The following DDX60L variants were observed in gnomAD, a reference collection of about 807,000 sequenced individuals.
DDX60L encodes probable ATP-dependent RNA helicase DDX60-like.
In DDX60L, 191 loss-of-function variants were observed where a neutral mutation model predicts 211.6. The observed-to-expected ratio is 0.90, with a 90% CI of 0.80 to 1.02. The LOEUF (loss-of-function observed/expected upper bound fraction) is 1.02. Ranked by LOEUF, DDX60L falls within the 50% of genes least tolerant of loss-of-function variation. DDX60L has a pLI of 0.00. For synonymous variants in DDX60L, 706 were observed against 694.1 expected (o/e 1.02, Z -0.27); for missense variants, 2,007 against 1,984.1 (o/e 1.01, Z -0.22).
Position 168,381,531 on chromosome 4 carries a change from T to A in DDX60L, c.4117-1701A>T, listed in dbSNP as rs72989180. On this transcript the variant is annotated intron_variant, in intron 30 of 37. Transcript: ENST00000682922. Reference sequence around the variant, plus strand: ...ATAAATATACTTCTTCAAAAACAACTTGAATGTGATAAATTGAAAAGGTTC... The same window carrying A: ...ATAAATATACTTCTTCAAAAACAACATGAATGTGATAAATTGAAAAGGTTC... Among the ~76,000 whole-genome samples, 1,350 of 151,960 alleles carry A rather than the reference T, an allele frequency of 8.9e-3. 19 individuals carry two copies. The highest frequency in any genetic ancestry group is 0.031 in the African/African-American group (1,265 of 41,448).
chr4:168,446,363 G>T (rs922813734), intron 9 of DDX60L, among the ~76,000 whole-genome samples: 6 of 152,126 alleles, frequency 3.9e-5, no homozygotes, highest in Non-Finnish European at 8.8e-5. Context: ...ACAAACCACT[G>T]CTCAAGGAAA....
At chr4:168,394,787 A>G (rs1745484174) in intron 27 of DDX60L, among the ~76,000 whole-genome samples, 170 bp from the exon 28 acceptor site, 1 of 152,166 alleles carries the variant, frequency 6.6e-6, no homozygotes, top group South Asian at 2.1e-4. Context: ...CAATCTGCCC[A>G]TTTTTGTGAA....
intron 9 of DDX60L, 132 bp from the exon 10 acceptor site, chr4:168,441,624 A>G (rs1409262868): frequency 3.0e-6 from 2 of 664,230 alleles, no homozygotes; most frequent in Non-Finnish European, 4.9e-6. Flanking sequence ...TGAGTTACAC[A>G]ATACACTTGC....
chr4:168,427,343 C>G, intron 13 of DDX60L, 21 bp from the exon 14 acceptor site: 1 of 1,595,684 alleles, frequency 6.3e-7, no homozygotes, highest in Non-Finnish European at 8.5e-7. Flanking sequence ...ATAAAAGGAA[C>G]ATATGAAACA....
At chr4:168,368,918 C>G (rs190764947) in intron 36 of DDX60L, among the ~76,000 whole-genome samples, 29 of 152,324 alleles carry the variant, frequency 1.9e-4, no homozygotes, top group African/African-American at 6.3e-4. Flanking sequence ...CCTCATACCC[C>G]CACTGTATCT....
intron 36 of DDX60L, among the ~76,000 whole-genome samples, chr4:168,371,358 A>G (rs549297456): frequency 3.4e-5 from 5 of 148,636 alleles, no homozygotes; most frequent in African/African-American, 1.2e-4. Flanking sequence ...CCCAAATAAT[A>G]CTGGAGTTTC....
intron 1 of DDX60L, among the ~76,000 whole-genome samples, chr4:168,477,818 T>C (rs887194125): frequency 1.3e-5 from 2 of 152,128 alleles, no homozygotes; most frequent in South Asian, 2.1e-4. Flanking sequence ...TTGGAAAAGG[T>C]TGATGGTCAA....
At chr4:168,391,747 A>G (rs1201960161) in intron 28 of DDX60L, 103 bp from the exon 29 acceptor site, 3 of 567,234 alleles carry the variant, frequency 5.3e-6, no homozygotes, top group African/African-American at 1.9e-5. Flanking sequence ...TAGAGCTTTA[A>G]CAAACCACAT....
chr4:168,466,366 T>C (rs1452352935), intron 4 of DDX60L, among the ~76,000 whole-genome samples: 1 of 151,980 alleles, frequency 6.6e-6, no homozygotes, highest in Non-Finnish European at 1.5e-5. Flanking sequence ...CAGAAGAAAA[T>C]GGAAATTATC....
intron 22 of DDX60L, among the ~76,000 whole-genome samples, chr4:168,413,496 T>C (rs1394918562): frequency 6.6e-6 from 1 of 151,990 alleles, no homozygotes; most frequent in Non-Finnish European, 1.5e-5. Context: ...ATGTGATATA[T>C]AATATCAATA....
Position 168,391,542 on chromosome 4 carries a change from G to A in DDX60L, c.3913C>T (p.Gln1305Ter), listed in dbSNP as rs1744815788. Reference protein sequence around the residue: ...SVYLDALNYRQMSGRAGRRGQ... With the variant: ...SVYLDALNYR ...GAGTTAAAGAGTCAGAGAGTTACCTGTCTGTAATTTAAAGCATCCAGATAG... is the reference window on the plus strand; with the variant it reads ...GAGTTAAAGAGTCAGAGAGTTACCTATCTGTAATTTAAAGCATCCAGATAG... Residue 1305 changes from glutamine (Q) to a stop codon, truncating the protein, a stop_gained and splice_region_variant, in exon 29 of 38, where the codon CAG (glutamine) becomes TAG (stop). Coordinates refer to ENST00000682922, the MANE Select transcript of DDX60L (RefSeq NM_001012967.3). LOFTEE classifies it high-confidence loss of function. 1.3e-6 allele frequency: 2 copies of A among 1,582,442 alleles called. No individual in the cohort carries two copies. The highest frequency in any genetic ancestry group is 1.7e-6 in the Non-Finnish European group (2 of 1,156,466).
Position 168,379,398 on chromosome 4 carries a change from C to T in DDX60L, c.4328G>A (p.Gly1443Asp). 6.3e-7 allele frequency: 1 copy of T among 1,599,820 alleles called. No homozygotes were observed. Among genetic ancestry groups the T allele is most frequent in the Non-Finnish European group, 8.5e-7 (1 of 1,175,638 alleles). ...TGGCTTACAGAGATTATGGAAAAGG[C>T]CTCTCTTGAGAAAATTTACAAAAAC... is the stretch of plus-strand genomic sequence containing the variant. The part of the protein sequence containing the change: ...NLVFVNFLKR[G>D]LFHNLCKPAW... Residue 1443 changes from glycine (G) to aspartate (D), a missense_variant, in exon 32 of 38, where the codon GGC becomes GAC. Coordinates refer to ENST00000682922, the MANE Select transcript of DDX60L (RefSeq NM_001012967.3).
Position 168,378,460 on chromosome 4 carries a change from GA to G in DDX60L, c.4378del (p.Ser1460ProfsTer4). The G allele has an allele frequency of 6.4e-7, 1 of 1,571,898 alleles. No individual in the cohort carries two copies. Among genetic ancestry groups the G allele is most frequent in the Admixed American group, 1.8e-5 (1 of 54,718 alleles). On this transcript the variant is annotated frameshift_variant, in exon 33 of 38. Coordinates refer to ENST00000682922, the MANE Select transcript of DDX60L (RefSeq NM_001012967.3). LOFTEE classifies it high-confidence loss of function. ...CACGAGCTTTTCCATCACATCTTGG[GA>G]AAATTGTTGTGAGCCTATTGAAATA... ...KPAWKGSQQF[S>X]QDVMEKLVLV...
Position 168,454,708 on chromosome 4 carries a change from C to T in DDX60L, c.837+1331G>A, listed in dbSNP as rs185731608. ...AGGAAGAAGCATAAAATGCTCACTG[C>T]TCTCTCCATTCTCCATTCTCCATGG... On this transcript the variant is annotated intron_variant, in intron 7 of 37. Transcript: ENST00000682922. 1.7e-3 allele frequency among the ~76,000 whole-genome samples: 252 copies of T among 148,784 alleles called. 2 individuals carry two copies. The highest frequency in any genetic ancestry group is 2.8e-3 in the Non-Finnish European group (188 of 67,644).
At chr4:168,396,369 T>C (rs548707124) in intron 26 of DDX60L, among the ~76,000 whole-genome samples, 58 of 152,226 alleles carry the variant, frequency 3.8e-4, no homozygotes, top group Middle Eastern at 6.8e-3. Context: ...TCCTTCACAC[T>C]GTAACAGATA....
chr4:168,400,688 A>T (rs1560991856), intron 26 of DDX60L, 138 bp downstream of exon 26: 2 of 701,418 alleles, frequency 2.9e-6, no homozygotes, highest in Non-Finnish European at 4.6e-6. Flanking sequence ...CTCCCACCCA[A>T]ATTTACTCTA....
At chr4:168,394,162 C>T (rs577003803) in intron 28 of DDX60L, among the ~76,000 whole-genome samples, 3 of 151,364 alleles carry the variant, frequency 2.0e-5, no homozygotes, top group South Asian at 2.1e-4. Flanking sequence ...CGCCACTGCA[C>T]TCCAGCCTGG....
At chr4:168,390,384 T>C (rs961865599) in intron 29 of DDX60L, 8 of 1,202,446 alleles carry the variant, frequency 6.7e-6, no homozygotes, top group Non-Finnish European at 6.2e-6. Flanking sequence ...TAAAAGGTGA[T>C]ATGGTCTATA....
At chr4:168,403,309 T>C (rs1324241482) in intron 25 of DDX60L, among the ~76,000 whole-genome samples, 2 of 152,270 alleles carry the variant, frequency 1.3e-5, no homozygotes, top group Non-Finnish European at 2.9e-5. Context: ...CACACCTATG[T>C]GTTTGTGTGT....
Sources: gnomAD v4.1 joint callset for allele counts (sites outside exome capture counted in the v4.1 genomes callset) on GRCh38, gnomAD v4.1.1 for gene constraint, MANE v1.5 for transcripts, NCBI Gene and HGNC (gene_info 2026-07-23, HGNC 2026-07-21) for gene names.